The following MSRA variants were observed in gnomAD, a reference collection of about 807,000 sequenced individuals.
MSRA encodes the protein mitochondrial peptide methionine sulfoxide reductase.
A neutral mutation model predicts 31.3 loss-of-function variants in MSRA; 54 were observed. The ratio of observed to expected loss-of-function variants is 1.73; its 90% CI spans 1.39 to 2.17. The LOEUF (loss-of-function observed/expected upper bound fraction) is 2.17, where lower values mean the gene tolerates loss of function less well. MSRA is among the 30% of genes most tolerant of loss of function. The pLI is 0.00. For missense variants in MSRA, 507 were observed against 300.9 expected (o/e 1.69, Z -5.07); for synonymous variants, 169 against 116.5 (o/e 1.45, Z -2.90).
intron 5 of MSRA, among the ~76,000 whole-genome samples, chr8:10,404,510 C>T (rs561885877): frequency 5.9e-4 from 90 of 152,334 alleles, no homozygotes; most frequent in Admixed American, 2.2e-3. Flanking sequence ...GGGTGGCCCT[C>T]GCTCCTGCAA....
At chr8:10,378,616 A>G (rs1449761816) in intron 5 of MSRA, among the ~76,000 whole-genome samples, 1 of 152,108 alleles carries the variant, frequency 6.6e-6, no homozygotes, top group Non-Finnish European at 1.5e-5. Flanking sequence ...GGCTCCTAAC[A>G]TCCCCCTCAG....
chr8:10,369,169 T>G (rs1805336328), intron 5 of MSRA, among the ~76,000 whole-genome samples: 1 of 152,166 alleles, frequency 6.6e-6, no homozygotes, highest in Admixed American at 6.5e-5. Context: ...GTTTCAAAAC[T>G]GTTCAATATT....
At chr8:10,166,987 G>A (rs75117118) in intron 1 of MSRA, among the ~76,000 whole-genome samples, 2 of 152,142 alleles carry the variant, frequency 1.3e-5, no homozygotes, top group Non-Finnish European at 2.9e-5. Flanking sequence ...TATGAGAAGA[G>A]GATGAGGTGA....
intron 1 of MSRA, among the ~76,000 whole-genome samples, chr8:10,140,817 T>G (rs138945397): frequency 1.6e-4 from 24 of 151,730 alleles, no homozygotes; most frequent in African/African-American, 5.8e-4. Flanking sequence ...ATCTAATGGC[T>G]AAAAATAGAA....
intron 4 of MSRA, among the ~76,000 whole-genome samples, chr8:10,316,145 TGATA>T (rs749594742): frequency 3.9e-4 from 59 of 152,134 alleles, no homozygotes; most frequent in Non-Finnish European, 7.6e-4. Context: ...ATTGTGCAGG[TGATA>T]GATAGTGACC....
chr8:10,319,935 G>T lies in MSRA; in HGVS notation c.489G>T (p.Pro163=). ...HGTQYRSAIY[P]TSAKQMEAAL... Reference sequence around the variant, plus strand: ...CTCAGTACCGCTCGGCCATCTACCCGACCTCTGCCAAGCAAATGGAGGCAG... The same window carrying T: ...CTCAGTACCGCTCGGCCATCTACCCTACCTCTGCCAAGCAAATGGAGGCAG... Residue 163 remains proline (P), a synonymous_variant, in exon 5 of 6, where the codon CCG becomes CCT. Transcript: ENST00000317173. 1 of 1,601,226 alleles carries T rather than the reference G, an allele frequency of 6.2e-7. No homozygotes were observed. The highest frequency in any genetic ancestry group is 8.5e-7 in the Non-Finnish European group (1 of 1,174,216).
At chr8:10,406,914 A>G (rs958268391) in intron 5 of MSRA, among the ~76,000 whole-genome samples, 1 of 152,176 alleles carries the variant, frequency 6.6e-6, no homozygotes, top group Admixed American at 6.5e-5. Context: ...GTGCAGTGGC[A>G]TGATCTCAGC....
intron 1 of MSRA, among the ~76,000 whole-genome samples, chr8:10,204,088 C>T (rs1808736230): frequency 6.6e-6 from 1 of 151,686 alleles, no homozygotes; most frequent in Non-Finnish European, 1.5e-5. Flanking sequence ...ATTTTAAAAA[C>T]AGGAAGAGCT....
chr8:10,232,535 T>A (rs1025475062), intron 2 of MSRA, among the ~76,000 whole-genome samples: 3 of 152,180 alleles, frequency 2.0e-5, no homozygotes, highest in South Asian at 2.1e-4. Context: ...TTTTAGAGAA[T>A]CACATTTGAA....
At chr8:10,108,192 C>T (rs1450383203) in intron 1 of MSRA, among the ~76,000 whole-genome samples, 2 of 152,190 alleles carry the variant, frequency 1.3e-5, no homozygotes, top group African/African-American at 2.4e-5. Context: ...TAATCTCTGA[C>T]GTTTGTTCTT....
chr8:10,416,877 G>A (rs1183429050), intron 5 of MSRA, among the ~76,000 whole-genome samples: 1 of 152,248 alleles, frequency 6.6e-6, no homozygotes, highest in African/African-American at 2.4e-5. Flanking sequence ...CCCGTCCTCT[G>A]CAGAGACACA....
At chr8:10,407,957 A>T (rs1490721336) in intron 5 of MSRA, among the ~76,000 whole-genome samples, 2 of 152,222 alleles carry the variant, frequency 1.3e-5, no homozygotes, top group Non-Finnish European at 2.9e-5. Context: ...ATCTTTGAGT[A>T]GGTTAATAGG....
At chr8:10,289,321 A>G (rs753806923) in intron 3 of MSRA, among the ~76,000 whole-genome samples, 12 of 151,724 alleles carry the variant, frequency 7.9e-5, no homozygotes, top group Non-Finnish European at 1.5e-4. Flanking sequence ...CCTTCTTTTT[A>G]ATTTTTGTGT....
chr8:10,359,271 C>T (rs1804699896), intron 5 of MSRA, among the ~76,000 whole-genome samples: 1 of 152,054 alleles, frequency 6.6e-6, no homozygotes, highest in Non-Finnish European at 1.5e-5. Flanking sequence ...CTCTGAGTTC[C>T]TTCTTACCTT....
At chr8:10,207,222 A>T (rs1585169320) in intron 1 of MSRA, among the ~76,000 whole-genome samples, 1 of 152,250 alleles carries the variant, frequency 6.6e-6, no homozygotes, top group African/African-American at 2.4e-5. Context: ...GGGAAGGGTG[A>T]CTGGTTAGGA....
chr8:10,410,794 G>A (rs1271601796), intron 5 of MSRA, among the ~76,000 whole-genome samples: 1 of 152,144 alleles, frequency 6.6e-6, no homozygotes, highest in East Asian at 1.9e-4. Flanking sequence ...CAGTTAACAT[G>A]GATTTTTATT....
intron 5 of MSRA, among the ~76,000 whole-genome samples, chr8:10,372,792 G>A (rs938386392): frequency 6.6e-6 from 1 of 152,222 alleles, no homozygotes; most frequent in Non-Finnish European, 1.5e-5. Flanking sequence ...AGTCAAGATA[G>A]ACAACTAAAA....
At chr8:10,341,342 G>A (rs1803414598) in intron 5 of MSRA, among the ~76,000 whole-genome samples, 1 of 152,130 alleles carries the variant, frequency 6.6e-6, no homozygotes, top group African/African-American at 2.4e-5. Context: ...GCAGGAGCAA[G>A]GGAGAGAGAG....
intron 1 of MSRA, among the ~76,000 whole-genome samples, chr8:10,182,145 C>G: frequency 6.6e-6 from 1 of 152,110 alleles, no homozygotes; most frequent in Admixed American, 6.5e-5. Flanking sequence ...GCTTCAGGGA[C>G]TTGCTTGGTT....
Sources: allele counts gnomAD v4.1 joint callset (sites outside exome capture counted in the v4.1 genomes callset), GRCh38; gene constraint gnomAD v4.1.1; transcripts MANE v1.5; gene names NCBI Gene and HGNC (gene_info 2026-07-23, HGNC 2026-07-21).